CDKAL1: variants seen among roughly 807,000 people sequenced by gnomAD.
CDKAL1 encodes the protein CDKAL1 threonylcarbamoyladenosine tRNA methylthiotransferase.
A neutral mutation model predicts 68.2 loss-of-function variants in CDKAL1; 32 were observed. That is an observed-to-expected ratio of 0.47 (90% CI 0.35 to 0.63). The LOEUF is 0.63. Ranked by LOEUF, CDKAL1 falls within the 30% of genes least tolerant of loss-of-function variation. The pLI, the probability that CDKAL1 is intolerant of heterozygous loss-of-function variation, is 0.00. For missense variants in CDKAL1, 606 were observed against 696.7 expected, an observed-to-expected ratio of 0.87 and a Z score of 1.47; for synonymous variants, 234 against 244.3, an observed-to-expected ratio of 0.96 and a Z score of 0.39.
chr6:21,082,534 A>G (rs971145187), intron 12 of CDKAL1, among the ~76,000 whole-genome samples: 2 of 152,240 alleles, frequency 1.3e-5, no homozygotes, highest in South Asian at 2.1e-4. Flanking sequence ...TCTTATAAAC[A>G]GTAAAATAAG....
intron 13 of CDKAL1, among the ~76,000 whole-genome samples, chr6:21,171,678 A>G (rs973704488): frequency 1.3e-5 from 2 of 152,204 alleles, no homozygotes; most frequent in African/African-American, 2.4e-5. Flanking sequence ...TTATTAGTAT[A>G]AATTACTCCA....
intron 9 of CDKAL1, among the ~76,000 whole-genome samples, chr6:20,894,190 T>C (rs1761554517): frequency 7.6e-6 from 1 of 131,732 alleles, no homozygotes; most frequent in Non-Finnish European, 1.7e-5. Context: ...GTCAGCATAT[T>C]ATTGACCTCA....
At chr6:20,994,677 T>C (rs1295877098) in intron 10 of CDKAL1, among the ~76,000 whole-genome samples, 3 of 152,246 alleles carry the variant, frequency 2.0e-5, no homozygotes, top group Non-Finnish European at 4.4e-5. Flanking sequence ...GTGAATTTTT[T>C]AGTTTCCTAG....
At chr6:20,949,252 A>G (rs948644317) in intron 9 of CDKAL1, among the ~76,000 whole-genome samples, 2 of 152,260 alleles carry the variant, frequency 1.3e-5, no homozygotes, top group East Asian at 1.9e-4. Flanking sequence ...TAGGGTAATA[A>G]GGAACCCTAA....
chr6:21,108,113 T>C (rs556212508), intron 12 of CDKAL1, among the ~76,000 whole-genome samples: 3 of 152,230 alleles, frequency 2.0e-5, no homozygotes, highest in Non-Finnish European at 4.4e-5. Flanking sequence ...TAGTCTGTTA[T>C]GTATTTTCAA....
intron 2 of CDKAL1, among the ~76,000 whole-genome samples, chr6:20,541,820 C>T (rs1763399892): frequency 6.6e-6 from 1 of 152,168 alleles, no homozygotes; most frequent in African/African-American, 2.4e-5. Context: ...GCCACCACGC[C>T]CGGCTAATTT....
chr6:20,836,327 T>C (rs1002598530), intron 8 of CDKAL1, among the ~76,000 whole-genome samples: 2 of 152,212 alleles, frequency 1.3e-5, no homozygotes, highest in Non-Finnish European at 2.9e-5. Flanking sequence ...TTTTCATTTT[T>C]AAAAAAGCAG....
intron 4 of CDKAL1, among the ~76,000 whole-genome samples, chr6:20,587,469 A>T (rs1331438592): frequency 6.6e-6 from 1 of 152,052 alleles, no homozygotes; most frequent in African/African-American, 2.4e-5. Flanking sequence ...ATGGTGGCTC[A>T]TGCTTGTAAT....
At chr6:20,840,843 A>G (rs1236889766) in intron 8 of CDKAL1, among the ~76,000 whole-genome samples, 1 of 152,226 alleles carries the variant, frequency 6.6e-6, no homozygotes, top group African/African-American at 2.4e-5. Context: ...ATATTTAACA[A>G]TGAAGTCTGG....
intron 13 of CDKAL1, among the ~76,000 whole-genome samples, chr6:21,190,171 A>G (rs527451693): frequency 1.3e-5 from 2 of 152,314 alleles, no homozygotes; most frequent in African/African-American, 4.8e-5. Flanking sequence ...AAAGAAAGAC[A>G]TTTGACATTT....
intron 15 of CDKAL1, among the ~76,000 whole-genome samples, chr6:21,214,490 C>T (rs1779272697): frequency 6.6e-6 from 1 of 151,980 alleles, no homozygotes; most frequent in African/African-American, 2.4e-5. Flanking sequence ...AACATGAACA[C>T]ACGAGGTCTG....
intron 13 of CDKAL1, among the ~76,000 whole-genome samples, chr6:21,197,186 A>G (rs1179416046): frequency 6.6e-6 from 1 of 151,852 alleles, no homozygotes; most frequent in Non-Finnish European, 1.5e-5. Context: ...TAATAATAAT[A>G]CTTGATACCT....
At chr6:21,153,116 T>G (rs1348413273) in intron 13 of CDKAL1, among the ~76,000 whole-genome samples, 1 of 152,168 alleles carries the variant, frequency 6.6e-6, no homozygotes, top group African/African-American at 2.4e-5. Flanking sequence ...GATTTAGTAA[T>G]TTGTATATGT....
intron 9 of CDKAL1, among the ~76,000 whole-genome samples, chr6:20,884,286 A>G (rs1281697810): frequency 1.4e-5 from 2 of 147,406 alleles, no homozygotes; most frequent in Non-Finnish European, 3.0e-5. Context: ...GATGAGGTTG[A>G]TGGAAAAAAC....
chr6:20,887,817 T>C (rs1761161723), intron 9 of CDKAL1, among the ~76,000 whole-genome samples: 1 of 151,288 alleles, frequency 6.6e-6, no homozygotes, highest in African/African-American at 2.4e-5. Flanking sequence ...AGGGTCTGTT[T>C]CTGTCACACA....
At chr6:21,085,895 G>A (rs775759791) in intron 12 of CDKAL1, among the ~76,000 whole-genome samples, 9 of 152,176 alleles carry the variant, frequency 5.9e-5, no homozygotes, top group Non-Finnish European at 1.0e-4. Flanking sequence ...AAAGGCTGCA[G>A]GCAGGAATTA....
At chr6:20,972,341 G>A (rs908738893) in intron 10 of CDKAL1, among the ~76,000 whole-genome samples, 4 of 152,160 alleles carry the variant, frequency 2.6e-5, no homozygotes, top group African/African-American at 9.7e-5. Flanking sequence ...CCCACTGGCA[G>A]TCACTCTTAT....
intron 13 of CDKAL1, among the ~76,000 whole-genome samples, chr6:21,114,279 G>A (rs1222085125): frequency 1.3e-5 from 2 of 150,206 alleles, no homozygotes; most frequent in African/African-American, 4.9e-5. Flanking sequence ...CAGCAAAAGA[G>A]TGGTTGAATA....
chr6:20,573,812 C>T (rs558436733), intron 4 of CDKAL1, among the ~76,000 whole-genome samples: 1 of 152,116 alleles, frequency 6.6e-6, no homozygotes, highest in Non-Finnish European at 1.5e-5. Flanking sequence ...AATAAGGATG[C>T]CGTACAGAGA....
Sources: gnomAD v4.1 joint callset for allele counts (sites outside exome capture counted in the v4.1 genomes callset) on GRCh38, gnomAD v4.1.1 for gene constraint, MANE v1.5 for transcripts, NCBI Gene and HGNC (gene_info 2026-07-23, HGNC 2026-07-21) for gene names.